SGCZ: variants seen among roughly 807,000 people sequenced by gnomAD.
SGCZ encodes the protein zeta-sarcoglycan.
A neutral mutation model predicts 41.3 loss-of-function variants in SGCZ; 40 were observed. The observed-to-expected ratio is 0.97, with a 90% CI of 0.75 to 1.26. SGCZ has a LOEUF of 1.26. SGCZ is among the 50% of genes most tolerant of loss of function. The pLI is 0.00. For missense variants in SGCZ, 552 were observed against 369.8 expected (o/e 1.49, Z -4.04); for synonymous variants, 206 against 137.5 (o/e 1.50, Z -3.49).
intron 3 of SGCZ, among the ~76,000 whole-genome samples, chr8:14,287,988 T>C (rs1227719464): frequency 6.6e-6 from 1 of 152,144 alleles, no homozygotes; most frequent in Non-Finnish European, 1.5e-5. Context: ...TATTTATTTT[T>C]ATTTTTTTAC....
intron 2 of SGCZ, among the ~76,000 whole-genome samples, chr8:14,397,310 G>A (rs997183216): frequency 2.6e-5 from 4 of 152,018 alleles, no homozygotes; most frequent in Admixed American, 6.6e-5. Context: ...AAACAAGCAC[G>A]AAAATTAAAT....
intron 1 of SGCZ, among the ~76,000 whole-genome samples, chr8:15,083,401 A>G (rs979786357): frequency 1.1e-4 from 16 of 152,254 alleles, no homozygotes; most frequent in Admixed American, 3.3e-4. Flanking sequence ...TAAACAAAAT[A>G]TCTAAGGTAA....
chr8:14,312,368 G>A (rs768493883), intron 3 of SGCZ, among the ~76,000 whole-genome samples: 1 of 152,154 alleles, frequency 6.6e-6, no homozygotes. Context: ...TCGTGACTTA[G>A]AGGATTCTAT....
chr8:14,989,794 T>A (rs998984148), intron 1 of SGCZ, among the ~76,000 whole-genome samples: 5 of 152,314 alleles, frequency 3.3e-5, no homozygotes, highest in African/African-American at 1.2e-4. Flanking sequence ...CTTTTTCATA[T>A]CCTGTTTTTG....
In SGCZ at chr8:14,904,832, C is replaced by T. The variant is rs1229385423; in HGVS notation, c.39+332753G>A. ...TTCTACAAGTCGTCACAGATTTTCT[C>T]TATAATCTTATTCCTTTATGATGTT... On this transcript the variant is annotated intron_variant, in intron 1 of 7. Coordinates refer to ENST00000382080, the MANE Select transcript of SGCZ (RefSeq NM_139167.4). 6.6e-5 allele frequency among the ~76,000 whole-genome samples: 10 copies of T among 151,992 alleles called. No individual in the cohort carries two copies. The South Asian group carries it at 1.7e-3, about 25-fold the overall frequency.
intron 5 of SGCZ, among the ~76,000 whole-genome samples, chr8:14,156,869 A>G (rs1803891898): frequency 6.6e-6 from 1 of 152,180 alleles, no homozygotes; most frequent in Non-Finnish European, 1.5e-5. Flanking sequence ...ATCCCCTATG[A>G]TAAAAATGCG....
chr8:14,358,107 A>G (rs1040823035), intron 2 of SGCZ, among the ~76,000 whole-genome samples: 1 of 152,184 alleles, frequency 6.6e-6, no homozygotes, highest in Admixed American at 6.5e-5. Flanking sequence ...AAGCTCCATA[A>G]AAGCACCCCT....
intron 2 of SGCZ, among the ~76,000 whole-genome samples, chr8:14,532,426 G>A (rs537727004): frequency 6.6e-6 from 1 of 151,896 alleles, no homozygotes; most frequent in Non-Finnish European, 1.5e-5. Flanking sequence ...TGTCCTCAAT[G>A]ATTACTACAT....
At chr8:14,645,223 A>G (rs1038522907) in intron 1 of SGCZ, among the ~76,000 whole-genome samples, 4 of 151,602 alleles carry the variant, frequency 2.6e-5, no homozygotes, top group African/African-American at 9.7e-5. Context: ...ATTTTTGGCT[A>G]TAAAAGGGTT....
chr8:14,834,783 G>A (rs1802641829), intron 1 of SGCZ, among the ~76,000 whole-genome samples: 1 of 152,132 alleles, frequency 6.6e-6, no homozygotes, highest in South Asian at 2.1e-4. Flanking sequence ...TGATAAGGTG[G>A]AAAGAGCACA....
chr8:14,686,064 G>A (rs1364754575), intron 1 of SGCZ, among the ~76,000 whole-genome samples: 2 of 152,026 alleles, frequency 1.3e-5, no homozygotes, highest in South Asian at 2.1e-4. Flanking sequence ...TATATGTTTC[G>A]TCTCGGGAAG....
chr8:14,194,200 A>T (rs1272487736), intron 4 of SGCZ, among the ~76,000 whole-genome samples: 2 of 151,904 alleles, frequency 1.3e-5, no homozygotes, highest in African/African-American at 2.4e-5. Context: ...ATTATCTTAG[A>T]CTGTATAGAT....
intron 3 of SGCZ, among the ~76,000 whole-genome samples, chr8:14,246,619 A>C (rs1799101006): frequency 6.6e-6 from 1 of 151,906 alleles, no homozygotes; most frequent in African/African-American, 2.4e-5. Context: ...AAGAAATAAA[A>C]AGTAAAAGCT....
chr8:14,403,647 G>A (rs114336859), intron 2 of SGCZ, among the ~76,000 whole-genome samples: 6,080 of 151,946 alleles, frequency 0.04, 383 homozygotes, highest in African/African-American at 0.14. Flanking sequence ...ATTTATTTTA[G>A]TGTTCATCAA....
chr8:14,943,732 A>G (rs1409464565), intron 1 of SGCZ, among the ~76,000 whole-genome samples: 1 of 152,016 alleles, frequency 6.6e-6, no homozygotes, highest in Non-Finnish European at 1.5e-5. Flanking sequence ...CCATCTTCCA[A>G]ACTTCACCCT....
At chr8:14,815,382 A>T (rs1439495159) in intron 1 of SGCZ, among the ~76,000 whole-genome samples, 3 of 147,712 alleles carry the variant, frequency 2.0e-5, no homozygotes, top group Non-Finnish European at 3.0e-5. Flanking sequence ...AACTTGTATG[A>T]TTTTTTTTTT....
chr8:15,186,050 C>G (rs1031648191), intron 1 of SGCZ, among the ~76,000 whole-genome samples: 1 of 146,786 alleles, frequency 6.8e-6, no homozygotes, highest in East Asian at 2.0e-4. Context: ...GGTGAAACCC[C>G]GTCTTTACTA....
At chr8:14,681,902 C>G (rs764972763) in intron 1 of SGCZ, among the ~76,000 whole-genome samples, 2 of 151,788 alleles carry the variant, frequency 1.3e-5, no homozygotes, top group Non-Finnish European at 2.9e-5. Flanking sequence ...ACATTTATAG[C>G]TAATGTTTGG....
chr8:14,782,756 T>C (rs973941316), intron 1 of SGCZ, among the ~76,000 whole-genome samples: 11 of 152,178 alleles, frequency 7.2e-5, no homozygotes, highest in African/African-American at 2.4e-4. Context: ...ATACTACCCA[T>C]GAATCCTACC....
Sources: allele counts gnomAD v4.1 joint callset (sites outside exome capture counted in the v4.1 genomes callset), GRCh38; gene constraint gnomAD v4.1.1; transcripts MANE v1.5; gene names NCBI Gene and HGNC (gene_info 2026-07-23, HGNC 2026-07-21).